CEACAM18: variants seen among roughly 807,000 people sequenced by gnomAD.
CEACAM18 encodes cell adhesion molecule CEACAM18.
A neutral mutation model predicts 34.3 loss-of-function variants in CEACAM18; 33 were observed. The ratio of observed to expected loss-of-function variants is 0.96; its 90% CI spans 0.73 to 1.29. The LOEUF is 1.29. Ranked by LOEUF, CEACAM18 falls within the 50% of genes most tolerant of loss-of-function variation. The pLI, the probability that CEACAM18 is intolerant of heterozygous loss-of-function variation, is 0.00. For synonymous variants in CEACAM18, 169 were observed against 180.9 expected (o/e 0.93, Z 0.53); for missense variants, 474 against 485.0 (o/e 0.98, Z 0.21).
At chr19:51,484,718 ATTC>A (rs1372877370) in intron 4 of CEACAM18, among the ~76,000 whole-genome samples, 1 of 100,228 alleles carries the variant, frequency 1.0e-5, no homozygotes, top group Non-Finnish European at 2.4e-5. Context: ...ATGAGGGTTT[ATTC>A]TTCTCTATTC....
At position 51,483,410 on chromosome 19, in the gene CEACAM18, A is replaced by G. The variant is rs1389518498; in HGVS notation, c.953+114A>G. 6.2e-6 allele frequency: 8 copies of G among 1,288,960 alleles called. No homozygotes were observed. The African/African-American group carries it at 1.0e-4, about 17-fold the overall frequency. 79.8% of individuals were successfully genotyped at this position (1,288,960 alleles called of 1,614,324 possible). A position where few individuals can be genotyped will look rare whatever the true frequency, so the allele number is the denominator to read the frequency against. On this transcript the variant is annotated intron_variant, in intron 4 of 5. Coordinates refer to ENST00000396477, the Ensembl canonical transcript of CEACAM18. ...TCCACTGTGCCATGACATGCTCTCA[A>G]CCTCTGGGTGAAATCTCCCAGTTCT...
At chr19:51,485,264 A>ATCTGTCTGCCC in intron 5 of CEACAM18, 142 bp downstream of exon 5, 4 of 828,656 alleles carry the variant, frequency 4.8e-6, no homozygotes, top group Non-Finnish European at 7.2e-6. Context: ...TCTGGGGCAG[A>ATCTGTCTGCCC]CAGATCAGCC....
rs557184231 is a variant in CEACAM18 at position 51,490,894 on chromosome 19, G to C, written c.*242G>C. 19 of 359,426 alleles carry C rather than the reference G, an allele frequency of 5.3e-5. No individual in the cohort carries two copies. The South Asian group carries it at 2.9e-3, about 54-fold the overall frequency. The allele number at this position is 359,426 out of a possible 1,614,324, so 22.3% of individuals were successfully genotyped here. On this transcript the variant is annotated 3_prime_UTR_variant, in exon 6 of 6. Transcript: ENST00000396477. ...AGAGCTGGTCAATGGGTTGCAGGTCGGGGCGGGCCATGCGCAAAGCTGGGC... is the reference window on the plus strand; with the variant it reads ...AGAGCTGGTCAATGGGTTGCAGGTCCGGGCGGGCCATGCGCAAAGCTGGGC...
exon 6 of CEACAM18, chr19:51,490,800 C>A: frequency 2.4e-6 from 1 of 410,938 alleles, no homozygotes; most frequent in Non-Finnish European, 4.2e-6. Flanking sequence ...AGGAGGTCTG[C>A]AGACCCCACC....
At chr19:51,485,524 C>T (rs997267128) in intron 5 of CEACAM18, among the ~76,000 whole-genome samples, 2 of 152,106 alleles carry the variant, frequency 1.3e-5, no homozygotes, top group Non-Finnish European at 2.9e-5. Context: ...AGAGATTGGG[C>T]AGTGGGATGG....
intron 4 of CEACAM18, among the ~76,000 whole-genome samples, chr19:51,484,627 GTTGGTGCTCAGTGAACATT>G: frequency 1.0e-5 from 1 of 100,226 alleles, no homozygotes; most frequent in South Asian, 3.3e-4. Context: ...GTAGCACATA[GTTGGTGCTCAGTGAACATT>G]TATGCAATGA....
At chr19:51,489,153 T>C (rs1990048700) in intron 5 of CEACAM18, among the ~76,000 whole-genome samples, 1 of 148,300 alleles carries the variant, frequency 6.7e-6, no homozygotes, top group East Asian at 2.1e-4. Flanking sequence ...GTTGACTTAA[T>C]GTCAACCTCA....
intron 1 of CEACAM18, 76 bp from the exon 2 acceptor site, chr19:51,480,257 C>A: frequency 8.0e-7 from 1 of 1,244,162 alleles, no homozygotes; most frequent in African/African-American, 1.5e-5. Context: ...CGGATGGTGT[C>A]TTTTTTCCTT....
upstream of CEACAM18, chr19:51,478,607 G>T: frequency 6.4e-7 from 1 of 1,571,072 alleles, no homozygotes; most frequent in South Asian, 1.2e-5. Context: ...TGTGTCTCTG[G>T]AGGGACCCCT....
At position 51,480,268 on chromosome 19, in the gene CEACAM18, G is replaced by T. The variant is rs114420718; in HGVS notation, c.53-65G>T. 1.5e-3 allele frequency: 2,022 copies of T among 1,310,622 alleles called. 17 individuals carry two copies. The African/African-American group carries it at 0.025, about 16-fold the overall frequency. The allele number at this position is 1,310,622 out of a possible 1,614,324, so 81.2% of individuals were successfully genotyped here. ...TTCCCGGATGGTGTCTTTTTTCCTT[G>T]TCTTCTCAGCCAGTCTGAATCTCTT... On this transcript the variant is annotated intron_variant, in intron 1 of 5. Coordinates refer to ENST00000396477, the Ensembl canonical transcript of CEACAM18.
At chr19:51,486,710 C>CTTTTTTTTTTTTTTTTTTTTTTTTTTTT (rs1327201659) in intron 5 of CEACAM18, among the ~76,000 whole-genome samples, 2 of 144,516 alleles carry the variant, frequency 1.4e-5, no homozygotes, top group African/African-American at 2.6e-5. Flanking sequence ...TTCTTTCTTT[C>CTTTTTTTTTTTTTTTTTTTTTTTTTTTT]TTTCTTTTCT....
intron 5 of CEACAM18, among the ~76,000 whole-genome samples, chr19:51,487,480 A>G (rs1345031524): frequency 6.6e-6 from 1 of 152,050 alleles, no homozygotes; most frequent in Non-Finnish European, 1.5e-5. Context: ...AAAAATAAAT[A>G]AATAGGCCAG....
At chr19:51,483,455 C>T in intron 4 of CEACAM18, 159 bp downstream of exon 4, 1 of 828,234 alleles carries the variant, frequency 1.2e-6, no homozygotes, top group Non-Finnish European at 1.9e-6. Context: ...GGGTCCAAAG[C>T]TGCCTCCTCT....
chr19:51,480,531 C>T, exon 2 of CEACAM18: 1 of 1,613,998 alleles, frequency 6.2e-7, no homozygotes. Context: ...GCCCAGCAGC[C>T]TGGGCCCATG....
At chr19:51,482,533 C>T (rs1163338261) in intron 3 of CEACAM18, among the ~76,000 whole-genome samples, 1 of 152,134 alleles carries the variant, frequency 6.6e-6, no homozygotes, top group Non-Finnish European at 1.5e-5. Context: ...GAACCAAGAC[C>T]CAGGATCCAG....
chr19:51,484,419 T>G (rs1989967201), intron 4 of CEACAM18, among the ~76,000 whole-genome samples: 1 of 151,980 alleles, frequency 6.6e-6, no homozygotes, highest in African/African-American at 2.4e-5. Context: ...CTCAAGTGAT[T>G]CTCCTGCCTC....
intron 5 of CEACAM18, among the ~76,000 whole-genome samples, chr19:51,487,654 T>C (rs1052162083): frequency 2.0e-5 from 3 of 151,902 alleles, no homozygotes; most frequent in Admixed American, 6.6e-5. Flanking sequence ...TAATCCCAGT[T>C]ACTTGGGAGG....
At chr19:51,482,137 T>C (rs1989927571) in intron 3 of CEACAM18, among the ~76,000 whole-genome samples, 1 of 152,196 alleles carries the variant, frequency 6.6e-6, no homozygotes, top group African/African-American at 2.4e-5. Context: ...GAGAGCTTTA[T>C]TTAAAGACTC....
intron 5 of CEACAM18, among the ~76,000 whole-genome samples, chr19:51,485,723 G>C (rs1989987895): frequency 6.6e-6 from 1 of 152,220 alleles, no homozygotes; most frequent in African/African-American, 2.4e-5. Flanking sequence ...TCAGCATAGA[G>C]TAGACCAGAG....
Sources: gnomAD v4.1 joint callset for allele counts (sites outside exome capture counted in the v4.1 genomes callset) on GRCh38, gnomAD v4.1.1 for gene constraint, MANE v1.5 for transcripts, NCBI Gene and HGNC (gene_info 2026-07-23, HGNC 2026-07-21) for gene names.